The following UBAP2 variants were observed in gnomAD, a reference collection of about 807,000 sequenced individuals.
UBAP2 encodes ubiquitin-associated protein 2.
UBAP2 carries 75 observed loss-of-function variants against 139.6 expected under a neutral mutation model. The observed-to-expected ratio is 0.54, with a 90% confidence interval of 0.45 to 0.65. The LOEUF (loss-of-function observed/expected upper bound fraction) is 0.65. Among genes scored for constraint, UBAP2 ranks in the 30% least tolerant of loss-of-function variants. The pLI is 0.00. For synonymous variants in UBAP2, 526 were observed against 526.2 expected (o/e 1.00, Z 0.01); for missense variants, 1,368 against 1,369.6 (o/e 1.00, Z 0.02).
chr9:33,989,440 A>C (rs1821509161), intron 4 of UBAP2, among the ~76,000 whole-genome samples: 1 of 152,058 alleles, frequency 6.6e-6, no homozygotes, highest in Non-Finnish European at 1.5e-5. Context: ...TGACCTCGTG[A>C]TCTGCCCGCC....
intron 4 of UBAP2, among the ~76,000 whole-genome samples, chr9:33,991,154 C>T (rs1821676948): frequency 6.6e-6 from 1 of 152,010 alleles, no homozygotes; most frequent in South Asian, 2.1e-4. Context: ...AGAGTGGTGG[C>T]AGGCACCTGT....
chr9:34,026,783 G>C (rs927715500), intron 1 of UBAP2, among the ~76,000 whole-genome samples: 3 of 152,212 alleles, frequency 2.0e-5, no homozygotes, highest in African/African-American at 7.2e-5. Flanking sequence ...ATCACAGCTA[G>C]TAAGTGGTGA....
intron 4 of UBAP2, among the ~76,000 whole-genome samples, chr9:33,993,039 C>T (rs984025638): frequency 1.3e-5 from 2 of 152,076 alleles, no homozygotes; most frequent in African/African-American, 2.4e-5. Context: ...TTCAAGAGAC[C>T]GATACTTCAA....
At chr9:33,996,162 G>T in intron 4 of UBAP2, 61 bp downstream of exon 4, 2 of 1,320,794 alleles carry the variant, frequency 1.5e-6, no homozygotes, top group Non-Finnish European at 2.2e-6. Flanking sequence ...AGGTGAAGTT[G>T]AAAATGTGCT....
intron 8 of UBAP2, among the ~76,000 whole-genome samples, chr9:33,970,964 G>C (rs1254750922): frequency 6.6e-6 from 1 of 151,910 alleles, no homozygotes; most frequent in Non-Finnish European, 1.5e-5. Context: ...CACCATGCCC[G>C]GCTAATTTTT....
Position 33,953,350 on chromosome 9 carries a change from T to C in UBAP2, c.991A>G (p.Asn331Asp), listed in dbSNP as rs377139235. 5.6e-6 allele frequency: 9 copies of C among 1,614,078 alleles called. No individual in the cohort carries two copies. The highest frequency in any genetic ancestry group is 1.3e-5 in the African/African-American group (1 of 74,932). Residue 331 changes from asparagine (N) to aspartate (D), a missense_variant, in exon 12 of 29, where the codon AAC (asparagine) becomes GAC (aspartate). Coordinates refer to ENST00000379238, the MANE Select transcript of UBAP2 (RefSeq NM_001370062.2). Reference protein sequence around the residue: ...QALVFTNSQHNNQMAPGTGSS... With the variant: ...QALVFTNSQHDNQMAPGTGSS... ...CCAGTCCCTGGTGCCATCTGATTGT[T>C]GTGTTGCGAATTTGTGAAGACAAGG...
At chr9:33,932,888 GA>G (rs1310608448) in intron 18 of UBAP2, among the ~76,000 whole-genome samples, 9 of 152,188 alleles carry the variant, frequency 5.9e-5, no homozygotes, top group African/African-American at 2.2e-4. Flanking sequence ...TGCGAAAAGT[GA>G]AGACAGAGTT....
intron 15 of UBAP2, among the ~76,000 whole-genome samples, chr9:33,943,142 C>A (rs1326249917): frequency 1.3e-5 from 2 of 152,186 alleles, no homozygotes; most frequent in Non-Finnish European, 2.9e-5. Context: ...CGAAAACTTA[C>A]ACTAAGTGAA....
chr9:33,932,593 T>C lies in UBAP2; in HGVS notation c.2144A>G (p.His715Arg). The C allele has an allele frequency of 3.1e-6, 5 of 1,614,044 alleles. No individual in the cohort carries two copies. Among genetic ancestry groups the C allele is most frequent in the Middle Eastern group, 1.6e-4 (1 of 6,062 alleles). ...TGACGTGCTCGAGGAGAGGGCTGCA[T>C]GTGCAGAGAGGCTGCTCTGGTGGCT... ...LSSHQSSLSAHAALSSSTSHT... is the reference protein window; with the variant it reads ...LSSHQSSLSARAALSSSTSHT... Residue 715 changes from histidine (H) to arginine (R), a missense_variant, in exon 19 of 29, where the codon CAT becomes CGT. Transcript: ENST00000379238.
chr9:34,028,533 C>A (rs1307747477), intron 1 of UBAP2, among the ~76,000 whole-genome samples: 6 of 152,024 alleles, frequency 3.9e-5, no homozygotes, highest in African/African-American at 1.4e-4. Flanking sequence ...GCACCCGCCA[C>A]CACGCCCGGC....
chr9:34,006,171 T>C (rs1043756533), intron 2 of UBAP2, among the ~76,000 whole-genome samples: 2 of 148,816 alleles, frequency 1.3e-5, no homozygotes, highest in Non-Finnish European at 3.0e-5. Context: ...AGGCCAGAGG[T>C]TGCAGTGAGC....
At position 33,943,432 on chromosome 9, in the gene UBAP2, G is replaced by A. The variant is rs10971808; in HGVS notation, c.1703C>T (p.Ser568Leu). ...NSNQIPISLYSKSLSEPLNTS... is the reference protein window; with the variant it reads ...NSNQIPISLYLKSLSEPLNTS... ...CTAAATTCAGTACCTTAAAGACTTC[G>A]AATACAAGCTGATGGGAATCTGATT... The change falls in exon 15 of 29, where the codon TCG becomes TTG. Residue 568 changes from serine (S) to leucine (L), a missense_variant. Coordinates refer to ENST00000379238, the MANE Select transcript of UBAP2 (RefSeq NM_001370062.2). 2.5e-4 allele frequency: 396 copies of A among 1,614,108 alleles called. 2 individuals carry two copies. The highest frequency in any genetic ancestry group is 9.9e-4 in the Middle Eastern group (6 of 6,060).
chr9:33,958,005 T>G (rs1180359867), intron 10 of UBAP2, among the ~76,000 whole-genome samples: 2 of 152,132 alleles, frequency 1.3e-5, no homozygotes, highest in African/African-American at 4.8e-5. Context: ...CAGGCAAGAA[T>G]GCAGTGACAT....
chr9:33,964,872 A>G (rs1401129396), intron 8 of UBAP2, among the ~76,000 whole-genome samples: 2 of 152,188 alleles, frequency 1.3e-5, no homozygotes, highest in Non-Finnish European at 2.9e-5. Context: ...CTTTCCCACC[A>G]GGCATGTATA....
At chr9:34,008,640 T>TATCC (rs35726741) in intron 2 of UBAP2, among the ~76,000 whole-genome samples, 5 of 149,224 alleles carry the variant, frequency 3.4e-5, no homozygotes, top group African/African-American at 1.2e-4. Context: ...AGATATATAC[T>TATCC]AACACTTTAC....
intron 12 of UBAP2, chr9:33,948,790 AT>A (rs1262419696): frequency 8.2e-6 from 4 of 487,484 alleles, no homozygotes; most frequent in Non-Finnish European, 1.5e-5. Context: ...ATCCTTCCTC[AT>A]TCTGACATAA....
chr9:33,958,706 CTTT>C (rs35500529), intron 10 of UBAP2, among the ~76,000 whole-genome samples: 6 of 122,752 alleles, frequency 4.9e-5, no homozygotes, highest in Non-Finnish European at 6.6e-5. Flanking sequence ...TGTGCCCGGC[CTTT>C]TTTTTTTTTT....
Position 33,963,810 on chromosome 9 carries a change from T to C in UBAP2, c.680-19A>G, listed in dbSNP as rs768148511. 3.6e-5 allele frequency: 58 copies of C among 1,589,060 alleles called. 1 individual carries two copies. The highest frequency in any genetic ancestry group is 4.2e-5 in the Non-Finnish European group (49 of 1,157,658). ...GCCAGTTCTGTGGACCAATGTAAAA[T>C]TGAGGGTTTAAACATATGAAAAGAA... is the stretch of plus-strand genomic sequence containing the variant. On this transcript the variant is annotated intron_variant, in intron 8 of 28. Transcript: ENST00000379238.
chr9:33,989,191 G>C, intron 4 of UBAP2, 65 bp from the exon 5 acceptor site: 1 of 1,438,866 alleles, frequency 6.9e-7, no homozygotes, highest in Non-Finnish European at 9.2e-7. Flanking sequence ...AAAGGCACAT[G>C]CATGTATCTT....
Sources: gnomAD v4.1 joint callset for allele counts (sites outside exome capture counted in the v4.1 genomes callset) on GRCh38, gnomAD v4.1.1 for gene constraint, MANE v1.5 for transcripts, NCBI Gene and HGNC (gene_info 2026-07-23, HGNC 2026-07-21) for gene names.